Variants in CATSPERD observed in about 807,000 individuals in gnomAD.
The protein encoded by CATSPERD is catsper channel auxiliary subunit delta, also known as cation channel sperm-associated auxiliary subunit delta.
In CATSPERD, 86 loss-of-function variants were observed where a neutral mutation model predicts 98.1. The ratio of observed to expected loss-of-function variants is 0.88; its 90% CI spans 0.74 to 1.05. The LOEUF (loss-of-function observed/expected upper bound fraction) is 1.05. CATSPERD is among the 50% of genes least tolerant of loss of function. CATSPERD has a pLI of 0.00. For synonymous variants in CATSPERD, 394 were observed against 390.2 expected (o/e 1.01, Z -0.12); for missense variants, 995 against 1,005.7 (o/e 0.99, Z 0.14).
rs754472475 is a variant in CATSPERD at position 5,771,078 on chromosome 19, A to AC, written c.1763+10dup. The AC allele has an allele frequency of 3.2e-5, 51 of 1,611,364 alleles. No individual in the cohort carries two copies. Among genetic ancestry groups the AC allele is most frequent in the Non-Finnish European group, 3.6e-5 (43 of 1,179,044 alleles). ...TGGAAGCCCGTGGTGGAGCTGTAAG[A>AC]CCCCAGGGGGGTGCTGCAGGGTGGG... is the stretch of plus-strand genomic sequence containing the variant. On this transcript the variant is annotated splice_region_variant and intron_variant, in intron 19 of 21. Coordinates refer to ENST00000381624, the MANE Select transcript of CATSPERD (RefSeq NM_152784.4).
intron 16 of CATSPERD, 150 bp from the exon 17 acceptor site, chr19:5,765,953 T>C (rs1030362809): frequency 4.1e-6 from 2 of 483,584 alleles, no homozygotes; most frequent in Non-Finnish European, 7.3e-6. Context: ...GCAGTTACGG[T>C]GCATCCCAGG....
chr19:5,736,154 C>T (rs575750750), intron 5 of CATSPERD, among the ~76,000 whole-genome samples: 2 of 151,984 alleles, frequency 1.3e-5, no homozygotes, highest in Non-Finnish European at 2.9e-5. Context: ...TCAGGAGATC[C>T]GCCCACCTCT....
At chr19:5,736,073 G>T (rs1482431228) in intron 5 of CATSPERD, among the ~76,000 whole-genome samples, 2 of 151,868 alleles carry the variant, frequency 1.3e-5, no homozygotes, top group Admixed American at 1.3e-4. Context: ...CACTGTGCCC[G>T]GCCTAATTTT....
At position 5,749,137 on chromosome 19, in the gene CATSPERD, A is replaced by C. The variant is rs1372585974; in HGVS notation, c.941A>C (p.Asn314Thr). 6.2e-7 allele frequency: 1 copy of C among 1,612,644 alleles called. No homozygotes were observed. Among genetic ancestry groups the C allele is most frequent in the African/African-American group, 1.3e-5 (1 of 74,814 alleles). ...CTGGCAGTTATAACTCGGGAGGATA[A>C]TTTGTATTATGGCAATCTGGGCATC... ...NELAVITRED[N>T]LYYGNLGIVP... is the part of the protein sequence containing the mutation. The change falls in exon 11 of 22, where the codon AAT becomes ACT. Residue 314 changes from asparagine to threonine, a missense_variant. Asn to Thr is a moderately conservative substitution (Grantham distance 65). Around this residue, in one of 3 missense-constraint regions of CATSPERD, gnomAD observed 762 missense variants for 773.7 expected, o/e 0.98. Coordinates refer to ENST00000381624, the MANE Select transcript of CATSPERD (RefSeq NM_152784.4).
Position 5,776,238 on chromosome 19 carries a change from C to G in CATSPERD, c.2019C>G (p.Gly673=), listed in dbSNP as rs373584694. 155 of 1,614,214 alleles carry G rather than the reference C, an allele frequency of 9.6e-5. No homozygotes were observed. In the African/African-American group the frequency reaches 2.0e-3, roughly 20 times the overall value. The part of the protein sequence containing the change: ...WPDVQYQILG[G]RTANQIIFGH... Reference sequence around the variant, plus strand: ...ACGTCCAGTATCAGATCTTGGGCGGCCGGACAGCAAACCAGATCATTTTCG... The same window carrying G: ...ACGTCCAGTATCAGATCTTGGGCGGGCGGACAGCAAACCAGATCATTTTCG... Residue 673 remains glycine, a synonymous_variant, in exon 21 of 22, where the codon GGC becomes GGG. Transcript: ENST00000381624.
chr19:5,746,110 C>G, intron 9 of CATSPERD, 47 bp downstream of exon 9: 1 of 1,606,762 alleles, frequency 6.2e-7, no homozygotes. Flanking sequence ...TGGCCTCCTC[C>G]AGAGGGGCCG....
chr19:5,737,158 CAT>C lies in CATSPERD; in HGVS notation c.413_414del (p.His138ArgfsTer4), dbSNP rs2055863715. 1.2e-6 allele frequency: 2 copies of C among 1,607,356 alleles called. No homozygotes were observed. The highest frequency in any genetic ancestry group is 1.7e-6 in the Non-Finnish European group (2 of 1,174,098). On this transcript the variant is annotated frameshift_variant, in exon 6 of 22. Transcript: ENST00000381624. LOFTEE classifies it high-confidence loss of function. ...TTCAGGTATAAAACACCCTGTTACA[CAT>C]GTCTCTGGTGATAATTGTTGTTATA... ...MSLGIKHPVT[H>X]VSGDNCCYTG... is the part of the protein sequence containing the mutation.
intron 1 of CATSPERD, among the ~76,000 whole-genome samples, chr19:5,721,745 G>A (rs1218003304): frequency 1.3e-5 from 2 of 151,942 alleles, no homozygotes; most frequent in Non-Finnish European, 2.9e-5. Flanking sequence ...AACACTTTGA[G>A]AGGTAGAGGT....
chr19:5,737,546 C>CAAA (rs35730088), intron 6 of CATSPERD, among the ~76,000 whole-genome samples: 6 of 69,406 alleles, frequency 8.6e-5, no homozygotes, highest in African/African-American at 2.3e-4. Context: ...AAGACTCTGT[C>CAAA]AAAAAAAAAA....
At chr19:5,775,157 T>TTAC (rs2056717968) in intron 20 of CATSPERD, 1 of 454,446 alleles carries the variant, frequency 2.2e-6, no homozygotes, top group Non-Finnish European at 4.5e-6. Flanking sequence ...ACTACAACAG[T>TTAC]TACTACTGCT....
At chr19:5,743,699 T>TCC (rs2056040851) in intron 7 of CATSPERD, among the ~76,000 whole-genome samples, 1 of 144,404 alleles carries the variant, frequency 6.9e-6, no homozygotes, top group African/African-American at 2.6e-5. Context: ...TCTCTCTCTC[T>TCC]CTCTCTCTGT....
At chr19:5,768,729 G>A (rs1164755102) in intron 18 of CATSPERD, among the ~76,000 whole-genome samples, 1 of 152,122 alleles carries the variant, frequency 6.6e-6, no homozygotes, top group Non-Finnish European at 1.5e-5. Flanking sequence ...GACCTCCTGG[G>A]CTCAAGTGAT....
At chr19:5,737,253 C>T (rs2055866232) in intron 6 of CATSPERD, 48 bp downstream of exon 6, 1 of 1,267,502 alleles carries the variant, frequency 7.9e-7, no homozygotes, top group Non-Finnish European at 1.1e-6. Flanking sequence ...CTCCTCTGAA[C>T]ACAAATAATC....
At chr19:5,757,447 A>G (rs994831625) in intron 13 of CATSPERD, among the ~76,000 whole-genome samples, 4 of 150,982 alleles carry the variant, frequency 2.6e-5, no homozygotes, top group African/African-American at 7.3e-5. Context: ...ACAGGCATGC[A>G]CCACCATGCC....
At chr19:5,721,919 G>A (rs891477771) in intron 1 of CATSPERD, among the ~76,000 whole-genome samples, 4 of 151,536 alleles carry the variant, frequency 2.6e-5, no homozygotes, top group African/African-American at 9.7e-5. Context: ...AATTCAGGAG[G>A]TGGAGGTTGC....
intron 14 of CATSPERD, 136 bp from the exon 15 acceptor site, chr19:5,758,950 A>C: frequency 3.1e-6 from 2 of 638,292 alleles, no homozygotes; most frequent in Non-Finnish European, 2.7e-6. Context: ...AAAAAAAGGA[A>C]CAGAGTGGGG....
chr19:5,732,457 G>T (rs531224268), intron 4 of CATSPERD, among the ~76,000 whole-genome samples: 1 of 128,886 alleles, frequency 7.8e-6, no homozygotes, highest in East Asian at 2.0e-4. Flanking sequence ...TTTTGAGACG[G>T]AGTCTCACTC....
At position 5,778,445 on chromosome 19, in the gene CATSPERD, T is replaced by C. The variant is rs756258325; in HGVS notation, c.2166T>C (p.Ala722=). The change falls in exon 22 of 22, where the codon GCT becomes GCC. Residue 722 remains alanine, a synonymous_variant. Transcript: ENST00000381624. The part of the protein sequence containing the change: ...YGAFPVQLVS[A]GVVILLIISS... ...CATTCCCCGTGCAGCTGGTCTCTGC[T>C]GGAGTCGTCATCCTACTGATCATCT... 12 of 1,613,882 alleles carry C rather than the reference T, an allele frequency of 7.4e-6. No homozygotes were observed. Among genetic ancestry groups the C allele is most frequent in the Middle Eastern group, 3.3e-4 (2 of 6,084 alleles).
chr19:5,752,754 G>A (rs1390618713), intron 12 of CATSPERD, among the ~76,000 whole-genome samples: 3 of 152,242 alleles, frequency 2.0e-5, no homozygotes, highest in African/African-American at 2.4e-5. Flanking sequence ...GGGGCCGGGC[G>A]TGGTGGCTCA....
Sources: gnomAD v4.1 joint callset for allele counts (sites outside exome capture counted in the v4.1 genomes callset) on GRCh38, gnomAD v4.1.1 for gene constraint, gnomAD v4.1.1 regional missense constraint, MANE v1.5 for transcripts, NCBI Gene and HGNC (gene_info 2026-07-23, HGNC 2026-07-21) for gene names.